Variants in ADCY9 observed in about 807,000 individuals in gnomAD.
ADCY9 encodes adenylate cyclase 9.
A neutral mutation model predicts 101.5 loss-of-function variants in ADCY9; 50 were observed. That is an observed-to-expected ratio of 0.49 (90% CI 0.39 to 0.62). ADCY9 has a LOEUF of 0.62. Among genes scored for constraint, ADCY9 ranks in the 20% least tolerant of loss-of-function variants. The pLI, the probability that ADCY9 is intolerant of heterozygous loss-of-function variation, is 0.00. For missense variants in ADCY9, 1,662 were observed against 1,800.4 expected (o/e 0.92, Z 1.39); for synonymous variants, 905 against 769.3 (o/e 1.18, Z -2.92).
chr16:3,991,478 T>G (rs867018535), intron 5 of ADCY9, among the ~76,000 whole-genome samples: 1 of 152,030 alleles, frequency 6.6e-6, no homozygotes, highest in Non-Finnish European at 1.5e-5. Flanking sequence ...AATGTTACCA[T>G]TAGGCCAGGC....
chr16:4,000,569 T>C (rs997812269), intron 3 of ADCY9, among the ~76,000 whole-genome samples: 27 of 152,170 alleles, frequency 1.8e-4, no homozygotes, highest in Admixed American at 1.6e-3. Flanking sequence ...AAAAAGAAAT[T>C]TTCTTACATC....
intron 9 of ADCY9, among the ~76,000 whole-genome samples, chr16:3,976,477 T>C (rs889197214): frequency 6.6e-6 from 1 of 152,008 alleles, no homozygotes; most frequent in Non-Finnish European, 1.5e-5. Flanking sequence ...TCTACCGGCC[T>C]CCCTGACTCC....
intron 2 of ADCY9, among the ~76,000 whole-genome samples, chr16:4,082,826 G>T (rs987090420): frequency 2.0e-5 from 3 of 152,228 alleles, no homozygotes; most frequent in African/African-American, 7.2e-5. Context: ...CACCCCAATG[G>T]GGCTTCCCTC....
intron 2 of ADCY9, among the ~76,000 whole-genome samples, chr16:4,042,614 T>G (rs1485903376): frequency 2.0e-5 from 3 of 152,208 alleles, no homozygotes; most frequent in Admixed American, 2.0e-4. Flanking sequence ...GTGACTAGGA[T>G]TTATAAATAT....
intron 2 of ADCY9, among the ~76,000 whole-genome samples, chr16:4,024,436 T>A (rs1045888171): frequency 6.6e-6 from 1 of 152,262 alleles, no homozygotes; most frequent in African/African-American, 2.4e-5. Flanking sequence ...GAATGTCTTA[T>A]TGTACGACGT....
intron 2 of ADCY9, among the ~76,000 whole-genome samples, chr16:4,051,739 A>G (rs2056703365): frequency 6.6e-6 from 1 of 152,208 alleles, no homozygotes; most frequent in South Asian, 2.1e-4. Context: ...ACAGCAGGCA[A>G]GCTCCAGCTT....
intron 3 of ADCY9, among the ~76,000 whole-genome samples, chr16:4,006,774 G>A (rs369608753): frequency 2.6e-5 from 4 of 152,166 alleles, no homozygotes; most frequent in Admixed American, 1.3e-4. Context: ...GGTCGACCGC[G>A]CCAATTCCCT....
At chr16:4,061,763 C>T (rs1273828212) in intron 2 of ADCY9, among the ~76,000 whole-genome samples, 1 of 152,112 alleles carries the variant, frequency 6.6e-6, no homozygotes, top group Non-Finnish European at 1.5e-5. Flanking sequence ...TATCCTGAAT[C>T]CACATGAAGA....
chr16:4,003,892 G>A (rs1038859433), intron 3 of ADCY9, among the ~76,000 whole-genome samples: 14 of 151,810 alleles, frequency 9.2e-5, no homozygotes, highest in Non-Finnish European at 5.9e-5. Context: ...TCCTTCACTC[G>A]GGCAGTATCT....
At chr16:3,958,275 C>T (rs1303804202), downstream of ADCY9, among the ~76,000 whole-genome samples, 2 of 152,148 alleles carry the variant, frequency 1.3e-5, no homozygotes, top group Admixed American at 6.5e-5. Flanking sequence ...GGCACGGTAG[C>T]TCACGCCTGT....
At chr16:4,103,496 C>A (rs2057057046) in intron 2 of ADCY9, among the ~76,000 whole-genome samples, 1 of 152,198 alleles carries the variant, frequency 6.6e-6, no homozygotes, top group Non-Finnish European at 1.5e-5. Flanking sequence ...CTTCACTACC[C>A]CACACTTACG....
At chr16:4,000,045 T>C (rs1374323863) in intron 3 of ADCY9, among the ~76,000 whole-genome samples, 2 of 152,212 alleles carry the variant, frequency 1.3e-5, no homozygotes, top group Admixed American at 6.5e-5. Context: ...CTGCTTCGTC[T>C]TCTCAACACG....
At chr16:4,050,577 G>C (rs2056694456) in intron 2 of ADCY9, among the ~76,000 whole-genome samples, 1 of 151,892 alleles carries the variant, frequency 6.6e-6, no homozygotes. Context: ...AGCCGGACGT[G>C]GTGGCGCATG....
At chr16:4,000,366 C>T (rs537291305) in intron 3 of ADCY9, among the ~76,000 whole-genome samples, 18 of 152,284 alleles carry the variant, frequency 1.2e-4, no homozygotes, top group Admixed American at 8.5e-4. Flanking sequence ...CTGGCCCCAA[C>T]GATCTCCAGG....
chr16:4,066,358 T>G (rs775474641), intron 2 of ADCY9, among the ~76,000 whole-genome samples: 85 of 152,296 alleles, frequency 5.6e-4, no homozygotes, highest in Non-Finnish European at 1.0e-3. Context: ...TTCTCTCTCC[T>G]CTCTCTAGTG....
intron 3 of ADCY9, among the ~76,000 whole-genome samples, chr16:4,003,782 T>A (rs2056348223): frequency 6.6e-6 from 1 of 152,090 alleles, no homozygotes; most frequent in Non-Finnish European, 1.5e-5. Context: ...TTGCTTCAAG[T>A]TGCGCCCCTG....
intron 2 of ADCY9, among the ~76,000 whole-genome samples, chr16:4,110,859 G>A (rs952068067): frequency 6.6e-6 from 1 of 152,206 alleles, no homozygotes; most frequent in Non-Finnish European, 1.5e-5. Flanking sequence ...TGGTGGGCGT[G>A]CCTTGCAGAA....
At chr16:4,069,517 T>C (rs376579782) in intron 2 of ADCY9, among the ~76,000 whole-genome samples, 1 of 152,060 alleles carries the variant, frequency 6.6e-6, no homozygotes. Flanking sequence ...AACGAATAAA[T>C]AGAATATATT....
At chr16:4,063,644 G>T (rs571619502) in intron 2 of ADCY9, among the ~76,000 whole-genome samples, 27 of 151,992 alleles carry the variant, frequency 1.8e-4, no homozygotes, top group African/African-American at 6.5e-4. Flanking sequence ...CCTGGAAGGT[G>T]GAAGCTGCAG....
Sources: gnomAD v4.1 joint callset for allele counts (sites outside exome capture counted in the v4.1 genomes callset) on GRCh38, gnomAD v4.1.1 for gene constraint, MANE v1.5 for transcripts, NCBI Gene and HGNC (gene_info 2026-07-23, HGNC 2026-07-21) for gene names.